The following KLHL3 variants were observed in gnomAD, a reference collection of about 807,000 sequenced individuals.
KLHL3 encodes kelch-like protein 3.
KLHL3 carries 19 observed loss-of-function variants against 70.5 expected under a neutral mutation model. That is an observed-to-expected ratio of 0.27 (90% CI 0.19 to 0.40). The LOEUF (loss-of-function observed/expected upper bound fraction) is 0.40, where lower values mean the gene tolerates loss of function less well. Among genes scored for constraint, KLHL3 ranks in the 10% least tolerant of loss-of-function variants. The probability of loss-of-function intolerance (pLI) is 1.00; values close to 1 mark genes in which losing one functional copy is unlikely to be tolerated. For synonymous variants in KLHL3, 258 were observed against 290.3 expected, an observed-to-expected ratio of 0.89 and a Z score of 1.13; for missense variants, 512 against 771.1, an observed-to-expected ratio of 0.66 and a Z score of 3.98.
At chr5:137,632,436 T>G (rs116162850) in intron 12 of KLHL3, among the ~76,000 whole-genome samples, 1 of 152,126 alleles carries the variant, frequency 6.6e-6, no homozygotes, top group Non-Finnish European at 1.5e-5. Flanking sequence ...ATAAATGGTG[T>G]TGTATGTGGC....
rs144507555 is a variant in KLHL3, at chr5:137,692,296, T to C, written c.515A>G (p.Asn172Ser). 3.7e-6 allele frequency: 6 copies of C among 1,612,212 alleles called. No individual in the cohort carries two copies. The highest frequency in any genetic ancestry group is 2.7e-5 in the African/African-American group (2 of 74,884). Residue 172 changes from asparagine (N) to serine (S), a missense_variant, in exon 5 of 15, where the codon AAT becomes AGT. By Grantham distance (46) the Asn-to-Ser change is conservative (BLOSUM62 1). Transcript: ENST00000309755. ...CGGCTCCCCCTTACCTGCGTAGGCA[T>C]TGGCCTGCTGCAGAAGGTCAGTGCA... The part of the protein sequence containing the change: ...HTCTDLLQQA[N>S]AYAEQHFPEV...
chr5:137,697,157 C>A (rs1752464759), intron 4 of KLHL3, among the ~76,000 whole-genome samples: 1 of 105,480 alleles, frequency 9.5e-6, no homozygotes, highest in African/African-American at 3.8e-5. Context: ...CTCTTCTTCC[C>A]AATCTTTTTT....
intron 6 of KLHL3, among the ~76,000 whole-genome samples, chr5:137,675,132 A>G (rs1477323142): frequency 6.6e-6 from 1 of 152,362 alleles, no homozygotes; most frequent in South Asian, 2.1e-4. Context: ...GAAGTTACAT[A>G]TAAGTTCCAA....
At chr5:137,735,384 AG>A (rs949479988) in intron 1 of KLHL3, among the ~76,000 whole-genome samples, 2 of 152,242 alleles carry the variant, frequency 1.3e-5, no homozygotes, top group African/African-American at 4.8e-5. Flanking sequence ...CCCTTCTTTC[AG>A]GGTGCTCCGC....
intron 2 of KLHL3, among the ~76,000 whole-genome samples, chr5:137,713,243 T>G (rs752260119): frequency 1.3e-5 from 2 of 151,376 alleles, no homozygotes; most frequent in African/African-American, 2.4e-5. Context: ...AGCAGGAGGA[T>G]TGCTTGAGCC....
rs754252828 is a variant in KLHL3 at position 137,639,258 on chromosome 5, A to G, written c.1022-108T>C. 2.0e-6 allele frequency: 2 copies of G among 1,004,778 alleles called. No homozygotes were observed. Among genetic ancestry groups the G allele is most frequent in the African/African-American group, 3.2e-5 (2 of 62,842 alleles). 62.2% of individuals were successfully genotyped at this position (1,004,778 alleles called of 1,614,324 possible). A position where few individuals can be genotyped will look rare whatever the true frequency, so the allele number is the denominator to read the frequency against. ...CAGACACAGGAAAAGTCGCCACCGA[A>G]GATACTTTAGGTATTTGGCAGTCAT... On this transcript the variant is annotated intron_variant, in intron 9 of 14. Transcript: ENST00000309755. This position sits in a 1 kb window ranked among gnomAD's most constrained non-coding sequence, Gnocchi z 5.0.
At chr5:137,670,959 G>A (rs1327477312) in intron 6 of KLHL3, among the ~76,000 whole-genome samples, 5 of 128,804 alleles carry the variant, frequency 3.9e-5, no homozygotes, top group African/African-American at 1.2e-4. Context: ...GGCAAAGAGC[G>A]AGACTCCACC....
chr5:137,693,747 G>C (rs758276944), intron 4 of KLHL3, among the ~76,000 whole-genome samples: 19 of 152,202 alleles, frequency 1.2e-4, no homozygotes, highest in Non-Finnish European at 2.8e-4. Context: ...CTGGCTCTGA[G>C]AGAGTGACTG....
In KLHL3 at chr5:137,639,915, G is replaced by A. The variant is rs750511635; in HGVS notation, c.966C>T (p.Phe322=). Residue 322 remains phenylalanine (F), a synonymous_variant, in exon 9 of 15, where the codon TTC becomes TTT. Coordinates refer to ENST00000309755, the MANE Select transcript of KLHL3 (RefSeq NM_017415.3). This position sits in a 1 kb window ranked among gnomAD's most constrained non-coding sequence, Gnocchi z 5.0. ...CAATCTGATCCCACCGGTCCTCCTC[G>A]AAATCATAGCACTCCACACTGCGGA... ...KAIRSVECYD[F]EEDRWDQIAE... The A allele has an allele frequency of 1.1e-4, 171 of 1,613,996 alleles. No individual in the cohort carries two copies. The highest frequency in any genetic ancestry group is 1.3e-4 in the Non-Finnish European group (148 of 1,180,032).
intron 3 of KLHL3, among the ~76,000 whole-genome samples, chr5:137,698,821 T>C (rs965124449): frequency 2.0e-5 from 3 of 152,210 alleles, no homozygotes; most frequent in African/African-American, 7.2e-5. Context: ...AAGAGCTTAG[T>C]AGACAGTTAT....
chr5:137,705,513 C>T (rs1374504163), intron 3 of KLHL3, among the ~76,000 whole-genome samples: 4 of 152,168 alleles, frequency 2.6e-5, no homozygotes, highest in African/African-American at 9.7e-5. Flanking sequence ...AAAAACTGGA[C>T]AGTAACTCCT....
At chr5:137,681,736 G>T (rs780800285) in intron 5 of KLHL3, among the ~76,000 whole-genome samples, 1 of 151,882 alleles carries the variant, frequency 6.6e-6, no homozygotes, top group African/African-American at 2.4e-5. Context: ...TTATCGTTTC[G>T]CTTCTTTTTC....
At chr5:137,699,929 A>T (rs2967805) in intron 3 of KLHL3, among the ~76,000 whole-genome samples, 16 of 152,106 alleles carry the variant, frequency 1.1e-4, no homozygotes, top group African/African-American at 3.9e-4. Flanking sequence ...CACCAATCCA[A>T]AGTCCCATCC....
chr5:137,646,767 T>C (rs1751056694), intron 8 of KLHL3, among the ~76,000 whole-genome samples: 1 of 152,174 alleles, frequency 6.6e-6, no homozygotes, highest in Admixed American at 6.5e-5. Context: ...TTATTAGAAA[T>C]TACTCAATCA....
chr5:137,692,891 T>C (rs1269542255), intron 4 of KLHL3, among the ~76,000 whole-genome samples: 1 of 151,484 alleles, frequency 6.6e-6, no homozygotes, highest in Non-Finnish European at 1.5e-5. Context: ...GGTATTACCT[T>C]AAGAGTTTTA....
chr5:137,664,715 G>A (rs1751570527), intron 6 of KLHL3, among the ~76,000 whole-genome samples: 1 of 152,060 alleles, frequency 6.6e-6, no homozygotes. Context: ...CTGCTTGAGA[G>A]GCTGAGGCAG....
At chr5:137,630,560 G>A (rs1323351816) in intron 12 of KLHL3, among the ~76,000 whole-genome samples, 4 of 152,168 alleles carry the variant, frequency 2.6e-5, no homozygotes. Context: ...TCACCCTTAC[G>A]TCACAACAGA....
chr5:137,642,519 C>T (rs981330662), intron 8 of KLHL3, among the ~76,000 whole-genome samples: 2 of 152,174 alleles, frequency 1.3e-5, no homozygotes, highest in Non-Finnish European at 2.9e-5. Context: ...AGGCAGAAAA[C>T]GTATCTGCCT....
chr5:137,631,924 CA>C (rs1750646127), intron 12 of KLHL3, among the ~76,000 whole-genome samples: 1 of 138,700 alleles, frequency 7.2e-6, no homozygotes, highest in Non-Finnish European at 1.5e-5. Flanking sequence ...TTATATACAG[CA>C]AAATGAAAGG....
Sources: gnomAD v4.1 joint callset for allele counts (sites outside exome capture counted in the v4.1 genomes callset) on GRCh38, gnomAD v4.1.1 for gene constraint, Gnocchi (gnomAD v3.1) non-coding constraint, MANE v1.5 for transcripts, NCBI Gene and HGNC (gene_info 2026-07-23, HGNC 2026-07-21) for gene names.